The following GRHL2 variants were observed in gnomAD, a reference collection of about 807,000 sequenced individuals.
GRHL2 encodes the protein grainyhead like transcription factor 2, also known as grainyhead-like protein 2 homolog.
In GRHL2, 21 loss-of-function variants were observed where a neutral mutation model predicts 83.8. That is an observed-to-expected ratio of 0.25 (90% CI 0.18 to 0.36). The LOEUF (loss-of-function observed/expected upper bound fraction) is 0.36, where lower values mean the gene tolerates loss of function less well. Among genes scored for constraint, GRHL2 ranks in the 10% least tolerant of loss-of-function variants. GRHL2 has a pLI of 1.00. For synonymous variants in GRHL2, 280 were observed against 278.9 expected, an observed-to-expected ratio of 1.00 and a Z score of -0.04; for missense variants, 623 against 781.8, an observed-to-expected ratio of 0.80 and a Z score of 2.42.
chr8:101,661,691 A>G (rs1563632330), intron 14 of GRHL2, among the ~76,000 whole-genome samples: 2 of 152,164 alleles, frequency 1.3e-5, no homozygotes, highest in African/African-American at 2.4e-5. Flanking sequence ...CTGAGGGCCG[A>G]CTGTATTTTT....
intron 1 of GRHL2, among the ~76,000 whole-genome samples, chr8:101,539,984 C>A (rs576587701): frequency 3.3e-4 from 51 of 152,306 alleles, no homozygotes; most frequent in Admixed American, 3.3e-3. Flanking sequence ...CCATCCTTAA[C>A]AACCAGCACA....
Position 101,622,352 on chromosome 8 carries a change from G to A in GRHL2, c.1257+2655G>A, listed in dbSNP as rs191710846. On this transcript the variant is annotated intron_variant, in intron 9 of 15. Coordinates refer to ENST00000646743, the MANE Select transcript of GRHL2 (RefSeq NM_024915.4). ...CAAAATCCAGAGAATATTTCTTCTC[G>A]GGGACTCTAGTAGTCAACAAACTTT... Among the ~76,000 whole-genome samples, 13 of 152,068 alleles carry A rather than the reference G, an allele frequency of 8.5e-5. No homozygotes were observed. The East Asian group carries it at 1.4e-3, about 16-fold the overall frequency.
At chr8:101,646,927 G>A (rs144176017) in intron 13 of GRHL2, among the ~76,000 whole-genome samples, 9 of 152,326 alleles carry the variant, frequency 5.9e-5, no homozygotes, top group Admixed American at 1.3e-4. Context: ...GCAGGGGAAC[G>A]GTGGAGCTGC....
downstream of GRHL2, among the ~76,000 whole-genome samples, chr8:101,672,664 C>A (rs1814229510): frequency 6.6e-6 from 1 of 151,822 alleles, no homozygotes; most frequent in Non-Finnish European, 1.5e-5. Context: ...CCCAATCTAG[C>A]AAGGCAGGCC....
chr8:101,618,230 G>T (rs999098961), intron 8 of GRHL2, among the ~76,000 whole-genome samples: 2 of 152,118 alleles, frequency 1.3e-5, no homozygotes, highest in African/African-American at 4.8e-5. Context: ...AAAATGAGGA[G>T]AAATTTAGCT....
intron 14 of GRHL2, 129 bp downstream of exon 14, chr8:101,649,628 G>C: frequency 2.7e-6 from 2 of 734,118 alleles, no homozygotes; most frequent in Non-Finnish European, 4.9e-6. Context: ...AAAAACCTAA[G>C]ATTTGTGGAG....
Position 101,524,057 on chromosome 8 carries a change from G to T in GRHL2, c.21-19184G>T, listed in dbSNP as rs1810751674. ...AGGGTATAACTTGGTTAAGGTAGTAGCTGCCAGGTTTCTGCACTGAAAAAT... is the reference window on the plus strand; with the variant it reads ...AGGGTATAACTTGGTTAAGGTAGTATCTGCCAGGTTTCTGCACTGAAAAAT... On this transcript the variant is annotated intron_variant, in intron 1 of 15. Transcript: ENST00000646743. Among the ~76,000 whole-genome samples, 6 of 152,282 alleles carry T rather than the reference G, an allele frequency of 3.9e-5. No individual in the cohort carries two copies. In the South Asian group the frequency reaches 1.2e-3, roughly 32 times the overall value.
At chr8:101,677,986 A>G in the GRHL2 span, among the ~76,000 whole-genome samples, 1 of 152,162 alleles carries the variant, frequency 6.6e-6, no homozygotes, top group Admixed American at 6.5e-5. Context: ...ATAAGACTCA[A>G]CATTTTTTTC....
intron 12 of GRHL2, among the ~76,000 whole-genome samples, chr8:101,643,369 CAAA>C (rs56301334): frequency 1.2e-4 from 12 of 96,956 alleles, no homozygotes; most frequent in African/African-American, 4.0e-4. Flanking sequence ...CTGTTTCTCT[CAAA>C]AAAAAAAAAA....
At chr8:101,616,693 A>G (rs1195640284) in intron 8 of GRHL2, among the ~76,000 whole-genome samples, 1 of 152,178 alleles carries the variant, frequency 6.6e-6, no homozygotes, top group South Asian at 2.1e-4. Context: ...CTGTACACAC[A>G]ACACAGAGGA....
At chr8:101,513,466 G>A (rs1417501156) in intron 1 of GRHL2, among the ~76,000 whole-genome samples, 1 of 147,088 alleles carries the variant, frequency 6.8e-6, no homozygotes, top group Non-Finnish European at 1.5e-5. Context: ...GTGTGTATGT[G>A]TCTCTGTGTA....
At chr8:101,615,275 C>A (rs929265977) in intron 8 of GRHL2, among the ~76,000 whole-genome samples, 2 of 152,100 alleles carry the variant, frequency 1.3e-5, no homozygotes, top group Non-Finnish European at 2.9e-5. Flanking sequence ...CTTAAATGGC[C>A]CTTGTAAATA....
At chr8:101,517,402 C>T (rs879480702) in intron 1 of GRHL2, among the ~76,000 whole-genome samples, 8 of 152,288 alleles carry the variant, frequency 5.3e-5, no homozygotes, top group Admixed American at 4.6e-4. Flanking sequence ...GACCAGTACC[C>T]CCAGGACAAC....
chr8:101,561,350 A>T (rs1811605528), intron 4 of GRHL2, among the ~76,000 whole-genome samples: 1 of 152,222 alleles, frequency 6.6e-6, no homozygotes, highest in Admixed American at 6.5e-5. Flanking sequence ...AGGAATCACA[A>T]GTTAGAACTA....
chr8:101,505,506 C>T (rs995436434), intron 1 of GRHL2, among the ~76,000 whole-genome samples: 7 of 142,002 alleles, frequency 4.9e-5, no homozygotes, highest in African/African-American at 1.6e-4. Context: ...GAACCTGGGA[C>T]GCGGAGGTTG....
downstream of GRHL2, among the ~76,000 whole-genome samples, chr8:101,672,495 G>T (rs1055953973): frequency 1.3e-5 from 2 of 151,584 alleles, no homozygotes; most frequent in Non-Finnish European, 2.9e-5. Flanking sequence ...GAGAAGGGAA[G>T]TTTACAGAAA....
rs1810519313 is a variant in GRHL2, at chr8:101,514,042, G to A, written c.20+21253G>A. ...GTTTTACAGGAAGTCATCAGCTTCA[G>A]GTCTCCCTTATCTCACTGGGTCTGT... is the stretch of plus-strand genomic sequence containing the variant. On this transcript the variant is annotated intron_variant, in intron 1 of 15. Transcript: ENST00000646743. Among the ~76,000 whole-genome samples, 4 of 152,106 alleles carry A rather than the reference G, an allele frequency of 2.6e-5. No homozygotes were observed. In the South Asian group the frequency reaches 8.3e-4, roughly 32 times the overall value.
chr8:101,515,508 C>T (rs924222941), intron 1 of GRHL2, among the ~76,000 whole-genome samples: 1 of 152,220 alleles, frequency 6.6e-6, no homozygotes, highest in Non-Finnish European at 1.5e-5. Context: ...TCTTTCCACC[C>T]TTCAGAGTCT....
chr8:101,524,905 C>T (rs907412561), intron 1 of GRHL2, among the ~76,000 whole-genome samples: 9 of 151,732 alleles, frequency 5.9e-5, no homozygotes, highest in African/African-American at 2.2e-4. Context: ...TATGCCATAC[C>T]ATTATTTTTA....
Sources: gnomAD v4.1 joint callset for allele counts (sites outside exome capture counted in the v4.1 genomes callset) on GRCh38, gnomAD v4.1.1 for gene constraint, MANE v1.5 for transcripts, NCBI Gene and HGNC (gene_info 2026-07-23, HGNC 2026-07-21) for gene names.